The following CSMD1 variants were observed in gnomAD, a reference collection of about 807,000 sequenced individuals.
CSMD1 encodes the protein CUB and sushi domain-containing protein 1.
In CSMD1, 213 loss-of-function variants were observed where a neutral mutation model predicts 417.5. That is an observed-to-expected ratio of 0.51 (90% CI 0.46 to 0.57). The LOEUF is 0.57. Ranked by LOEUF, CSMD1 falls within the 20% of genes least tolerant of loss-of-function variation. The probability of loss-of-function intolerance (pLI) is 0.00; values close to 1 mark genes in which losing one functional copy is unlikely to be tolerated. For missense variants in CSMD1, 6,923 were observed against 4,529.7 expected (o/e 1.53, Z -15.17); for synonymous variants, 2,862 against 1,736.8 (o/e 1.65, Z -16.11).
At chr8:3,762,866 G>C (rs1203671875) in intron 5 of CSMD1, among the ~76,000 whole-genome samples, 1 of 152,224 alleles carries the variant, frequency 6.6e-6, no homozygotes, top group Admixed American at 6.5e-5. Context: ...ACGGTGGACA[G>C]TGTGAGGAAG....
At chr8:4,947,084 A>C (rs1317423349) in intron 1 of CSMD1, among the ~76,000 whole-genome samples, 5 of 152,212 alleles carry the variant, frequency 3.3e-5, no homozygotes, top group African/African-American at 4.8e-5. Flanking sequence ...AGGATAATCC[A>C]TTTGTAGTTA....
chr8:3,872,448 C>A (rs557233454), intron 5 of CSMD1, among the ~76,000 whole-genome samples: 44 of 152,168 alleles, frequency 2.9e-4, no homozygotes, highest in Non-Finnish European at 4.9e-4. Flanking sequence ...CCGAAGCCCA[C>A]TGTGCAAATG....
At chr8:3,733,425 T>C (rs1021192080) in intron 6 of CSMD1, among the ~76,000 whole-genome samples, 1 of 150,676 alleles carries the variant, frequency 6.6e-6, no homozygotes, top group Non-Finnish European at 1.5e-5. Flanking sequence ...GAATGTACTT[T>C]TGATTTGGTG....
chr8:3,857,851 C>T (rs186988043), intron 5 of CSMD1, among the ~76,000 whole-genome samples: 1 of 152,146 alleles, frequency 6.6e-6, no homozygotes, highest in Non-Finnish European at 1.5e-5. Flanking sequence ...CTAGAGTTAC[C>T]TTTGCTGAGT....
intron 1 of CSMD1, among the ~76,000 whole-genome samples, chr8:4,748,567 G>A (rs1168440173): frequency 6.6e-6 from 1 of 152,070 alleles, no homozygotes; most frequent in African/African-American, 2.4e-5. Context: ...CAGGATTATT[G>A]GGTTCAGCAT....
chr8:3,534,041 A>C (rs1453324735), intron 10 of CSMD1, among the ~76,000 whole-genome samples: 1 of 152,196 alleles, frequency 6.6e-6, no homozygotes, highest in East Asian at 1.9e-4. Context: ...AATAAAAGTC[A>C]TTGCTTGAAG....
At chr8:4,696,863 C>T (rs1018340595) in intron 1 of CSMD1, among the ~76,000 whole-genome samples, 3 of 152,178 alleles carry the variant, frequency 2.0e-5, no homozygotes, top group Non-Finnish European at 4.4e-5. Flanking sequence ...AGCTGTAAAG[C>T]TCTTGAAACT....
intron 3 of CSMD1, among the ~76,000 whole-genome samples, chr8:4,203,394 G>C (rs963725149): frequency 2.0e-5 from 3 of 152,114 alleles, no homozygotes; most frequent in African/African-American, 2.4e-5. Flanking sequence ...GATCTTTGTG[G>C]TTTCTATGCC....
rs143272361 is a variant in CSMD1, at chr8:4,490,811, T to C, written c.303-70746A>G. Among the ~76,000 whole-genome samples the C allele has an allele frequency of 2.6e-4, 40 of 152,350 alleles. No homozygotes were observed. In the East Asian group the frequency reaches 7.3e-3, roughly 28 times the overall value. On this transcript the variant is annotated intron_variant, in intron 2 of 69. Transcript: ENST00000635120. ...TAATTCAGTTCTAGGTGTTTCTGTT[T>C]TCTCACAAATAAAGTCGGAAACACA... is the stretch of plus-strand genomic sequence containing the variant.
chr8:3,024,802 T>C (rs568104545), intron 51 of CSMD1, among the ~76,000 whole-genome samples: 1 of 152,310 alleles, frequency 6.6e-6, no homozygotes, highest in East Asian at 1.9e-4. Flanking sequence ...ATATTGAATA[T>C]TGCACTAAAG....
intron 1 of CSMD1, among the ~76,000 whole-genome samples, chr8:4,810,063 G>A (rs916664139): frequency 4.6e-5 from 7 of 152,286 alleles, no homozygotes; most frequent in African/African-American, 1.4e-4. Context: ...AAAAATACCA[G>A]TTAAAGTTAG....
At chr8:3,959,866 T>C (rs1382376403) in intron 5 of CSMD1, among the ~76,000 whole-genome samples, 2 of 152,242 alleles carry the variant, frequency 1.3e-5, no homozygotes, top group Non-Finnish European at 2.9e-5. Flanking sequence ...TTGTGAGGTA[T>C]ATAACGTGTG....
At chr8:3,122,845 T>C (rs747774631) in intron 41 of CSMD1, among the ~76,000 whole-genome samples, 38 of 152,322 alleles carry the variant, frequency 2.5e-4, no homozygotes, top group Non-Finnish European at 1.9e-4. Context: ...AATGGACTAA[T>C]ATAACAGTCC....
At chr8:3,762,873 G>A (rs1041868597) in intron 5 of CSMD1, among the ~76,000 whole-genome samples, 1 of 152,194 alleles carries the variant, frequency 6.6e-6, no homozygotes, top group Admixed American at 6.5e-5. Context: ...ACAGTGTGAG[G>A]AAGCTGCTGA....
At chr8:4,224,295 A>G (rs1385408271) in intron 3 of CSMD1, among the ~76,000 whole-genome samples, 2 of 152,232 alleles carry the variant, frequency 1.3e-5, no homozygotes, top group Admixed American at 6.5e-5. Context: ...TAAAATATAC[A>G]AAACATTAAG....
intron 1 of CSMD1, among the ~76,000 whole-genome samples, chr8:4,952,053 T>G (rs947134839): frequency 2.6e-5 from 4 of 151,520 alleles, no homozygotes; most frequent in Admixed American, 6.6e-5. Flanking sequence ...AAATATATTT[T>G]ACACGTAATT....
At chr8:3,606,898 G>C (rs925901658) in intron 8 of CSMD1, among the ~76,000 whole-genome samples, 3 of 151,802 alleles carry the variant, frequency 2.0e-5, no homozygotes, top group Non-Finnish European at 2.9e-5. Context: ...TTTTTGTAGA[G>C]ACAGGGTTTC....
chr8:4,732,848 C>T (rs764651702), intron 1 of CSMD1, among the ~76,000 whole-genome samples: 1 of 152,144 alleles, frequency 6.6e-6, no homozygotes, highest in Non-Finnish European at 1.5e-5. Context: ...GGCTAGTTGA[C>T]ATCCACACTC....
Position 4,374,796 on chromosome 8 carries a change from G to A in CSMD1, c.415+45157C>T, listed in dbSNP as rs187747626. 6.6e-5 allele frequency among the ~76,000 whole-genome samples: 10 copies of A among 152,224 alleles called. No individual in the cohort carries two copies. In the East Asian group the frequency reaches 1.2e-3, roughly 18 times the overall value. On this transcript the variant is annotated intron_variant, in intron 3 of 69. Transcript: ENST00000635120. The stretch of plus-strand genomic sequence containing the variant: ...TGGCCACCTGCTCTAGGATGGCCCA[G>A]GAGAGGATGGCAGGAAAACGGCCTG...
Sources: allele counts gnomAD v4.1 joint callset (sites outside exome capture counted in the v4.1 genomes callset), GRCh38; gene constraint gnomAD v4.1.1; transcripts MANE v1.5; gene names NCBI Gene and HGNC (gene_info 2026-07-23, HGNC 2026-07-21).